Variants in SIGLECL1 observed in about 807,000 individuals in gnomAD.
The protein encoded by SIGLECL1 is SIGLEC family-like protein 1.
Under a neutral mutation model 19.1 loss-of-function variants are expected in SIGLECL1, and 16 were observed. The ratio of observed to expected loss-of-function variants is 0.84; its 90% CI spans 0.57 to 1.27. SIGLECL1 has a LOEUF of 1.27. Ranked by LOEUF, SIGLECL1 falls within the 50% of genes most tolerant of loss-of-function variation. SIGLECL1 has a pLI of 0.00. For missense variants in SIGLECL1, 210 were observed against 239.4 expected, an observed-to-expected ratio of 0.88 and a Z score of 0.81; for synonymous variants, 89 against 90.4, an observed-to-expected ratio of 0.98 and a Z score of 0.09.
chr19:51,259,395 T>C (rs1428530485), intron 1 of SIGLECL1, among the ~76,000 whole-genome samples: 1 of 152,236 alleles, frequency 6.6e-6, no homozygotes, highest in African/African-American at 2.4e-5. Context: ...CCAATATTGA[T>C]TGAATATGCT....
intron 1 of SIGLECL1, among the ~76,000 whole-genome samples, chr19:51,256,983 A>C (rs1982849460): frequency 6.6e-6 from 1 of 152,168 alleles, no homozygotes; most frequent in South Asian, 2.1e-4. Context: ...ACATATTTAC[A>C]TATTATATAT....
At chr19:51,265,172 T>C (rs914895377) in intron 2 of SIGLECL1, among the ~76,000 whole-genome samples, 196 bp from the exon 3 acceptor site, 1 of 152,038 alleles carries the variant, frequency 6.6e-6, no homozygotes, top group Non-Finnish European at 1.5e-5. Context: ...CTCAAGAAGG[T>C]CTAGCGATCA....
intron 1 of SIGLECL1, among the ~76,000 whole-genome samples, chr19:51,263,066 T>C (rs1217698726): frequency 2.0e-5 from 3 of 152,106 alleles, no homozygotes; most frequent in South Asian, 4.1e-4. Flanking sequence ...ACCCAGATAA[T>C]TTTTGTATTT....
chr19:51,254,642 G>A (rs1017816230), intron 1 of SIGLECL1, among the ~76,000 whole-genome samples: 1 of 152,070 alleles, frequency 6.6e-6, no homozygotes, highest in Admixed American at 6.6e-5. Context: ...TGGAGTTGGG[G>A]TTTGGGGAAA....
intron 1 of SIGLECL1, among the ~76,000 whole-genome samples, chr19:51,256,799 C>A (rs544089437): frequency 6.6e-6 from 1 of 152,182 alleles, no homozygotes; most frequent in Admixed American, 6.5e-5. Context: ...TTTTATTTGT[C>A]AGTTATACCT....
intron 1 of SIGLECL1, among the ~76,000 whole-genome samples, chr19:51,260,325 T>C (rs1244186470): frequency 6.6e-6 from 1 of 152,228 alleles, no homozygotes; most frequent in Non-Finnish European, 1.5e-5. Context: ...CCGGTTTTTT[T>C]CAAATTTTAA....
chr19:51,265,675 T>C (rs889731471), intron 3 of SIGLECL1, 26 bp downstream of exon 3: 38 of 1,610,982 alleles, frequency 2.4e-5, no homozygotes, highest in Non-Finnish European at 3.1e-5. Flanking sequence ...GCTCGGTGAC[T>C]GGGTGAGGAC....
rs768355009 is a variant in SIGLECL1 at position 51,265,378 on chromosome 19, G to A, written c.33G>A (p.Lys11=). The A allele has an allele frequency of 8.1e-6, 13 of 1,610,244 alleles. No individual in the cohort carries two copies. Among genetic ancestry groups the A allele is most frequent in the Admixed American group, 1.7e-5 (1 of 59,960 alleles). The change falls in exon 3 of 6, where the codon AAG becomes AAA. Residue 11 remains lysine, a synonymous_variant. Transcript: ENST00000601727. The stretch of plus-strand genomic sequence containing the variant: ...CCTTCCTCCCCACAGTACCTGCTAA[G>A]CTGCTCAACTCCTCTTGCTCCTTGG... MLPLLQLVPA[K]LLNSSCSLEK...
In SIGLECL1 at chr19:51,265,778, A is replaced by G. The variant is rs141713421; in HGVS notation, c.306A>G (p.Arg102=). 4.5e-4 allele frequency: 730 copies of G among 1,614,210 alleles called. No homozygotes were observed. Among genetic ancestry groups the G allele is most frequent in the Non-Finnish European group, 4.9e-4 (580 of 1,180,024 alleles). The change falls in exon 4 of 6, where the codon AGA becomes AGG. Residue 102 remains arginine (R), a splice_region_variant and synonymous_variant. Transcript: ENST00000601727. ...TTCTCACATGCTCTCTGCTTCCAGG[A>G]AAGAGTTCTTTGGCTGCCCAGGCCT... ...THALSILLMS[R]KSSLAAQAFV...
chr19:51,267,324 G>T, intron 4 of SIGLECL1, 49 bp from the exon 5 acceptor site: 1 of 1,591,416 alleles, frequency 6.3e-7, no homozygotes, highest in South Asian at 1.1e-5. Flanking sequence ...CCCATTTGGG[G>T]ATTCAGGGAG....
intron 2 of SIGLECL1, among the ~76,000 whole-genome samples, chr19:51,264,693 A>G (rs1487211938): frequency 6.6e-6 from 1 of 152,216 alleles, no homozygotes; most frequent in Non-Finnish European, 1.5e-5. Context: ...AATGGCCACC[A>G]TGTCCTACCT....
chr19:51,261,866 C>A (rs1332782865), intron 1 of SIGLECL1, among the ~76,000 whole-genome samples: 1 of 152,092 alleles, frequency 6.6e-6, no homozygotes, highest in Non-Finnish European at 1.5e-5. Context: ...AATCAAAGTA[C>A]AATTTTATAC....
chr19:51,264,306 G>C, intron 2 of SIGLECL1: 2 of 530,810 alleles, frequency 3.8e-6, no homozygotes, highest in Middle Eastern at 5.1e-4. Context: ...TTGGGCAAGG[G>C]AGAGGGATGG....
upstream of SIGLECL1, among the ~76,000 whole-genome samples, chr19:51,247,374 C>T (rs1194403703): frequency 6.6e-6 from 1 of 152,156 alleles, no homozygotes; most frequent in Non-Finnish European, 1.5e-5. Flanking sequence ...ACAAAATGAA[C>T]TTTCTCTAGT....
At chr19:51,248,479 G>A (rs756195494), upstream of SIGLECL1, among the ~76,000 whole-genome samples, 3 of 151,864 alleles carry the variant, frequency 2.0e-5, no homozygotes, top group Non-Finnish European at 2.9e-5. Context: ...TAAAATCCTC[G>A]TGTGTTTCTG....
chr19:51,265,595 T>C lies in SIGLECL1; in HGVS notation c.250T>C (p.Cys84Arg), dbSNP rs1387707900. Residue 84 changes from cysteine (C) to arginine (R), a missense_variant, in exon 3 of 6, where the codon TGT becomes CGT. By Grantham distance (180) the Cys-to-Arg change is radical (BLOSUM62 -3). Transcript: ENST00000601727. ...GCCAGAAATGGGCATGAGACTTCTC[T>C]GTGAGGGGAAGAACCAAAACGGAAC... ...EEPEMGMRLL[C>R]EGKNQNGTHA... 1 of 1,614,012 alleles carries C rather than the reference T, an allele frequency of 6.2e-7. No individual in the cohort carries two copies. Among genetic ancestry groups the C allele is most frequent in the Non-Finnish European group, 8.5e-7 (1 of 1,180,028 alleles).
At chr19:51,255,700 T>C (rs1982759574) in intron 1 of SIGLECL1, among the ~76,000 whole-genome samples, 1 of 152,102 alleles carries the variant, frequency 6.6e-6, no homozygotes, top group Admixed American at 6.6e-5. Flanking sequence ...ATGCCTGACA[T>C]CACTAATCAT....
intron 1 of SIGLECL1, among the ~76,000 whole-genome samples, chr19:51,257,383 C>A (rs1283641531): frequency 2.0e-5 from 3 of 149,706 alleles, no homozygotes; most frequent in African/African-American, 7.5e-5. Flanking sequence ...TCCATCCAGT[C>A]TGGGTGACAG....
upstream of SIGLECL1, among the ~76,000 whole-genome samples, chr19:51,250,704 G>C (rs7253829): frequency 0.13 from 20,387 of 152,158 alleles, 2,036 homozygotes; most frequent in East Asian, 0.31. Context: ...GGGCTGGAAA[G>C]GCCTTGCTGG....
Sources: allele counts gnomAD v4.1 joint callset (sites outside exome capture counted in the v4.1 genomes callset), GRCh38; gene constraint gnomAD v4.1.1; transcripts MANE v1.5; gene names NCBI Gene and HGNC (gene_info 2026-07-23, HGNC 2026-07-21).